The following PARD6B variants were observed in gnomAD, a reference collection of about 807,000 sequenced individuals.
The protein encoded by PARD6B is par-6 family cell polarity regulator beta.
A neutral mutation model predicts 10.5 loss-of-function variants in PARD6B; 4 were observed. That is an observed-to-expected ratio of 0.38 (90% confidence interval 0.19 to 0.87). The LOEUF (loss-of-function observed/expected upper bound fraction) is 0.87. Among genes scored for constraint, PARD6B ranks in the 40% least tolerant of loss-of-function variants. The probability of loss-of-function intolerance (pLI) is 0.41; values close to 1 mark genes in which losing one functional copy is unlikely to be tolerated. For missense variants in PARD6B, 396 were observed against 470.6 expected, an observed-to-expected ratio of 0.84 and a Z score of 1.47; for synonymous variants, 169 against 170.4, an observed-to-expected ratio of 0.99 and a Z score of 0.07.
chr20:50,752,169 G>T lies in PARD6B; in HGVS notation c.*1681G>T, dbSNP rs937088394. On this transcript the variant is annotated 3_prime_UTR_variant, in exon 3 of 3. Transcript: ENST00000371610. ...GAAGTCTCTCCTTTAACCTATTCTT[G>T]TTCCCATTCCCAGTCTCATTTGAAA... 18 of 985,416 alleles carry T rather than the reference G, an allele frequency of 1.8e-5. No individual in the cohort carries two copies. The highest frequency in any genetic ancestry group is 3.5e-5 in the African/African-American group (2 of 57,174). 61.0% of individuals were successfully genotyped at this position (985,416 alleles called of 1,614,324 possible).
chr20:50,753,037 A>G lies in PARD6B; in HGVS notation c.*2549A>G, dbSNP rs769671311. ...ATAATATAAGTGGTGCAGGGGTTCA[A>G]CATTTTAAGTAAAAATATTTTTACA... On this transcript the variant is annotated 3_prime_UTR_variant, in exon 3 of 3. Coordinates refer to ENST00000371610, the MANE Select transcript of PARD6B (RefSeq NM_032521.3). 5.1e-6 allele frequency: 5 copies of G among 980,230 alleles called. No homozygotes were observed. Among genetic ancestry groups the G allele is most frequent in the Non-Finnish European group, 2.4e-6 (2 of 826,452 alleles). 60.7% of individuals were successfully genotyped at this position (980,230 alleles called of 1,614,324 possible). A position where few individuals can be genotyped will look rare whatever the true frequency, so the allele number is the denominator to read the frequency against.
chr20:50,745,528 G>T (rs1214036302), intron 2 of PARD6B, among the ~76,000 whole-genome samples: 1 of 152,128 alleles, frequency 6.6e-6, no homozygotes, highest in East Asian at 1.9e-4. Flanking sequence ...TTGGAACAGG[G>T]TCTCACCATT....
rs80212407 is a variant in PARD6B at position 50,737,639 on chromosome 20, A to C, written c.67-218A>C. Among the ~76,000 whole-genome samples, 29 of 152,228 alleles carry C rather than the reference A, an allele frequency of 1.9e-4. No homozygotes were observed. In the East Asian group the frequency reaches 5.4e-3, roughly 28 times the overall value. On this transcript the variant is annotated intron_variant, in intron 1 of 2. Transcript: ENST00000371610. ...ATAGAGTTGAGCCTGCCTCTCTTGA[A>C]AGGAATGCTCTTCAGAGACACAGCA...
In PARD6B at chr20:50,751,032, T is replaced by C. The variant is rs905260565; in HGVS notation, c.*544T>C. ...TTGCCCACACTGGAATGCAGTGGCA[T>C]GATCACAGCTCTCTGCAGCCTCAAT... On this transcript the variant is annotated 3_prime_UTR_variant, in exon 3 of 3. Coordinates refer to ENST00000371610, the MANE Select transcript of PARD6B (RefSeq NM_032521.3). 1 of 603,636 alleles carries C rather than the reference T, an allele frequency of 1.7e-6. No individual in the cohort carries two copies. The highest frequency in any genetic ancestry group is 2.0e-6 in the Non-Finnish European group (1 of 489,436). 37.4% of individuals were successfully genotyped at this position (603,636 alleles called of 1,614,324 possible).
chr20:50,745,118 A>C (rs2087558960), intron 2 of PARD6B, among the ~76,000 whole-genome samples: 1 of 152,156 alleles, frequency 6.6e-6, no homozygotes, highest in South Asian at 2.1e-4. Flanking sequence ...GCTTTAAGTG[A>C]TATTTAATCT....
rs545458686 is a variant in PARD6B, at chr20:50,750,077, T to C, written c.708T>C (p.Ile236=). 6.2e-6 allele frequency: 10 copies of C among 1,614,202 alleles called. No individual in the cohort carries two copies. The South Asian group carries it at 8.8e-5, about 14-fold the overall frequency. The change falls in exon 3 of 3, where the codon ATT becomes ATC. Residue 236 remains isoleucine, a synonymous_variant. Transcript: ENST00000371610. The part of the protein sequence containing the change: ...KSLDQVTDMM[I]ANSRNLIITV... ...TTGATCAAGTAACAGACATGATGAT[T>C]GCAAATAGCCGTAACCTCATCATAA... is the stretch of plus-strand genomic sequence containing the variant.
intron 1 of PARD6B, among the ~76,000 whole-genome samples, chr20:50,733,385 T>C (rs2087482729): frequency 6.6e-6 from 1 of 152,064 alleles, no homozygotes; most frequent in Non-Finnish European, 1.5e-5. Context: ...GTTTGCACCA[T>C]TGCACTCCAG....
chr20:50,746,362 C>A (rs913194422), intron 2 of PARD6B, among the ~76,000 whole-genome samples: 1 of 152,182 alleles, frequency 6.6e-6, no homozygotes, highest in African/African-American at 2.4e-5. Flanking sequence ...GTTCAGTTAG[C>A]CGAGATCATT....
intron 2 of PARD6B, among the ~76,000 whole-genome samples, chr20:50,749,172 T>G (rs1046155992): frequency 6.6e-6 from 1 of 152,048 alleles, no homozygotes; most frequent in Non-Finnish European, 1.5e-5. Flanking sequence ...TGAAACCCCA[T>G]CTGTACTAAA....
chr20:50,733,545 G>A (rs1198953797), intron 1 of PARD6B, among the ~76,000 whole-genome samples: 1 of 152,210 alleles, frequency 6.6e-6, no homozygotes, highest in African/African-American at 2.4e-5. Context: ...GCATGTCCAT[G>A]TGTCCTCTGT....
At position 50,753,186 on chromosome 20, in the gene PARD6B, CATGGAA is replaced by C. The variant is rs2087624530; in HGVS notation, c.*2707_*2712del. 8.1e-6 allele frequency: 8 copies of C among 984,846 alleles called. No homozygotes were observed. Among genetic ancestry groups the C allele is most frequent in the African/African-American group, 1.8e-5 (1 of 57,080 alleles). The allele number at this position is 984,846 out of a possible 1,614,324, so 61.0% of individuals were successfully genotyped here. ...AATACAGATTTATCTTGTACGCATT[CATGGAA>C]ATGGAAATCAAAGCTGCTATTGCTT... On this transcript the variant is annotated 3_prime_UTR_variant, in exon 3 of 3. Transcript: ENST00000371610.
chr20:50,751,545 G>A lies in PARD6B; in HGVS notation c.*1057G>A, dbSNP rs370377076. ...TAATTTTTAGTAGAGACGGGGTTTC[G>A]CAGTGTTAGCCAGGAAGGTCTCAAT... On this transcript the variant is annotated 3_prime_UTR_variant, in exon 3 of 3. Transcript: ENST00000371610. The A allele has an allele frequency of 8.2e-5, 72 of 873,376 alleles. No individual in the cohort carries two copies. In the African/African-American group the frequency reaches 1.0e-3, roughly 12 times the overall value. The allele number at this position is 873,376 out of a possible 1,614,324, so 54.1% of individuals were successfully genotyped here.
At chr20:50,732,109 C>G (rs1266582873) in intron 1 of PARD6B, among the ~76,000 whole-genome samples, 2 of 152,240 alleles carry the variant, frequency 1.3e-5, no homozygotes, top group African/African-American at 2.4e-5. Flanking sequence ...ATCTCATTCC[C>G]GTGTTCACGG....
chr20:50,749,283 C>G (rs2087585973), intron 2 of PARD6B, among the ~76,000 whole-genome samples: 1 of 151,436 alleles, frequency 6.6e-6, no homozygotes, highest in African/African-American at 2.4e-5. Flanking sequence ...GCGGAGGTTG[C>G]AGTGAGCCGA....
chr20:50,745,014 A>G (rs1471439817), intron 2 of PARD6B, among the ~76,000 whole-genome samples: 1 of 152,218 alleles, frequency 6.6e-6, no homozygotes, highest in Non-Finnish European at 1.5e-5. Context: ...ACAGAGCACA[A>G]TTCCTGGCAC....
rs2087626157 is a variant in PARD6B at position 50,753,430 on chromosome 20, T to G, written c.*2942T>G. 1.0e-6 allele frequency: 1 copy of G among 982,754 alleles called. No individual in the cohort carries two copies. The highest frequency in any genetic ancestry group is 1.2e-6 in the Non-Finnish European group (1 of 827,228). 60.9% of individuals were successfully genotyped at this position (982,754 alleles called of 1,614,324 possible). A position where few individuals can be genotyped will look rare whatever the true frequency, so the allele number is the denominator to read the frequency against. ...AGTATCAGTGGATCCAACATAAAAT[T>G]TTATAGTACTAAATGTCAAGCCTAA... On this transcript the variant is annotated 3_prime_UTR_variant, in exon 3 of 3. Coordinates refer to ENST00000371610, the MANE Select transcript of PARD6B (RefSeq NM_032521.3).
chr20:50,741,473 C>G (rs1311516931), intron 2 of PARD6B, among the ~76,000 whole-genome samples: 1 of 152,090 alleles, frequency 6.6e-6, no homozygotes, highest in East Asian at 1.9e-4. Context: ...AATATGTTAA[C>G]TTGTTTCCTG....
At chr20:50,736,622 A>G (rs1336774611) in intron 1 of PARD6B, among the ~76,000 whole-genome samples, 2 of 151,862 alleles carry the variant, frequency 1.3e-5, no homozygotes, top group Non-Finnish European at 2.9e-5. Context: ...GTTTGAGGAA[A>G]TGCCATGTTA....
intron 2 of PARD6B, among the ~76,000 whole-genome samples, chr20:50,740,637 A>G (rs563423910): frequency 1.7e-4 from 26 of 152,276 alleles, no homozygotes; most frequent in Admixed American, 4.6e-4. Context: ...ATATGTTTCT[A>G]TGTGCAAATG....
Sources: allele counts gnomAD v4.1 joint callset (sites outside exome capture counted in the v4.1 genomes callset), GRCh38; gene constraint gnomAD v4.1.1; transcripts MANE v1.5; gene names NCBI Gene and HGNC (gene_info 2026-07-23, HGNC 2026-07-21).